The following DLG2 variants were observed in gnomAD, a reference collection of about 807,000 sequenced individuals.
The protein encoded by DLG2 is disks large homolog 2.
DLG2 carries 45 observed loss-of-function variants against 132.5 expected under a neutral mutation model. That is an observed-to-expected ratio of 0.34 (90% CI 0.27 to 0.44). The LOEUF (loss-of-function observed/expected upper bound fraction) is 0.44, where lower values mean the gene tolerates loss of function less well. Among genes scored for constraint, DLG2 ranks in the 20% least tolerant of loss-of-function variants. The pLI is 1.00. For missense variants in DLG2, 1,045 were observed against 1,196.9 expected, an observed-to-expected ratio of 0.87 and a Z score of 1.87; for synonymous variants, 424 against 419.6, an observed-to-expected ratio of 1.01 and a Z score of -0.13.
At chr11:83,764,805 G>A (rs1478112093) in intron 18 of DLG2, among the ~76,000 whole-genome samples, 1 of 152,112 alleles carries the variant, frequency 6.6e-6, no homozygotes, top group Non-Finnish European at 1.5e-5. Flanking sequence ...CTTCACTCAG[G>A]AGGTGTTCTC....
chr11:83,653,068 T>C (rs2071115393), intron 18 of DLG2, among the ~76,000 whole-genome samples: 2 of 152,232 alleles, frequency 1.3e-5, no homozygotes, highest in African/African-American at 4.8e-5. Flanking sequence ...CCCAATCTAA[T>C]AACTTCCCAA....
At chr11:84,511,909 CT>C (rs2099258097) in intron 7 of DLG2, among the ~76,000 whole-genome samples, 1 of 152,130 alleles carries the variant, frequency 6.6e-6, no homozygotes, top group South Asian at 2.1e-4. Context: ...TTGGTACAAA[CT>C]GTATTAATCC....
chr11:85,274,305 T>C (rs1379440435), intron 4 of DLG2, among the ~76,000 whole-genome samples: 3 of 152,256 alleles, frequency 2.0e-5, no homozygotes, highest in South Asian at 4.1e-4. Context: ...GGTGGGCCAT[T>C]GTTATCATAG....
At chr11:84,009,998 C>T (rs1332736983) in intron 11 of DLG2, among the ~76,000 whole-genome samples, 1 of 152,100 alleles carries the variant, frequency 6.6e-6, no homozygotes, top group African/African-American at 2.4e-5. Flanking sequence ...TCTATTCAGC[C>T]TCCCAGTCTG....
At chr11:83,652,501 G>T (rs2070879875) in intron 18 of DLG2, among the ~76,000 whole-genome samples, 1 of 152,128 alleles carries the variant, frequency 6.6e-6, no homozygotes, top group East Asian at 1.9e-4. Context: ...CTCCCAAGTA[G>T]CTGGAATTAC....
intron 6 of DLG2, among the ~76,000 whole-genome samples, chr11:84,575,320 G>A (rs1294572487): frequency 6.6e-6 from 1 of 151,894 alleles, no homozygotes; most frequent in Non-Finnish European, 1.5e-5. Context: ...GATTGTGCAT[G>A]CCTCCCCCAC....
intron 11 of DLG2, among the ~76,000 whole-genome samples, chr11:84,057,996 T>C (rs1300774563): frequency 6.6e-6 from 1 of 152,090 alleles, no homozygotes; most frequent in African/African-American, 2.4e-5. Context: ...ACCCTATGGA[T>C]TGATGCTACC....
At chr11:85,066,864 C>T (rs929291300) in intron 6 of DLG2, among the ~76,000 whole-genome samples, 1 of 151,722 alleles carries the variant, frequency 6.6e-6, no homozygotes, top group African/African-American at 2.4e-5. Flanking sequence ...TCCCTAAGAA[C>T]TGGAACAAAA....
intron 2 of DLG2, among the ~76,000 whole-genome samples, chr11:85,620,583 C>CTT (rs1386821593): frequency 1.3e-5 from 2 of 152,156 alleles, no homozygotes; most frequent in Non-Finnish European, 2.9e-5. Context: ...AGTGAACACA[C>CTT]GAATAATAAG....
chr11:83,821,200 A>G (rs553353915), intron 17 of DLG2, among the ~76,000 whole-genome samples: 1 of 152,286 alleles, frequency 6.6e-6, no homozygotes, highest in Non-Finnish European at 1.5e-5. Context: ...GTTGTTCAGA[A>G]CCTGAGCAGA....
At chr11:85,388,273 C>T (rs948418470) in intron 3 of DLG2, among the ~76,000 whole-genome samples, 22 of 152,214 alleles carry the variant, frequency 1.4e-4, no homozygotes, top group African/African-American at 4.8e-4. Context: ...GGGAACCACA[C>T]CCCCAGCCCC....
chr11:84,526,073 C>T (rs1262087987), intron 7 of DLG2, among the ~76,000 whole-genome samples: 13 of 151,930 alleles, frequency 8.6e-5, no homozygotes, highest in African/African-American at 3.1e-4. Flanking sequence ...ATTGTACGCT[C>T]CAAAAGTATA....
At chr11:84,840,680 T>C (rs917860900) in intron 6 of DLG2, among the ~76,000 whole-genome samples, 10 of 152,152 alleles carry the variant, frequency 6.6e-5, no homozygotes, top group South Asian at 2.1e-4. Context: ...GATGAGTTTA[T>C]GTCCTTTGTA....
chr11:85,306,133 A>G (rs2079927251), intron 3 of DLG2, among the ~76,000 whole-genome samples: 1 of 152,242 alleles, frequency 6.6e-6, no homozygotes, highest in African/African-American at 2.4e-5. Flanking sequence ...ACTAAATTAT[A>G]TAGAGAATGA....
chr11:84,986,423 A>G (rs2056500062), intron 6 of DLG2, among the ~76,000 whole-genome samples: 1 of 152,174 alleles, frequency 6.6e-6, no homozygotes, highest in South Asian at 2.1e-4. Flanking sequence ...GGGATCCTCT[A>G]TGAAGCCAGT....
chr11:83,727,084 G>C (rs557418006), intron 18 of DLG2, among the ~76,000 whole-genome samples: 1 of 152,326 alleles, frequency 6.6e-6, no homozygotes, highest in Admixed American at 6.5e-5. Context: ...CTGAGGTTGA[G>C]ATTCAGTGTT....
intron 3 of DLG2, among the ~76,000 whole-genome samples, chr11:85,477,736 T>C (rs1367160602): frequency 6.6e-6 from 1 of 152,142 alleles, no homozygotes; most frequent in East Asian, 1.9e-4. Context: ...ACTATCAGAG[T>C]GCCAAAAAAG....
intron 15 of DLG2, among the ~76,000 whole-genome samples, chr11:83,906,181 G>C (rs186984042): frequency 5.9e-4 from 87 of 146,926 alleles, no homozygotes; most frequent in Non-Finnish European, 1.1e-3. Context: ...TGTTTTGTTA[G>C]GAGTAAATTC....
chr11:84,650,232 CTT>C (rs1430243829), intron 6 of DLG2, among the ~76,000 whole-genome samples: 1 of 152,208 alleles, frequency 6.6e-6, no homozygotes, highest in African/African-American at 2.4e-5. Flanking sequence ...ACCTTTCATT[CTT>C]TCTTTCTCCC....
Sources: gnomAD v4.1 joint callset for allele counts (sites outside exome capture counted in the v4.1 genomes callset) on GRCh38, gnomAD v4.1.1 for gene constraint, MANE v1.5 for transcripts, NCBI Gene and HGNC (gene_info 2026-07-23, HGNC 2026-07-21) for gene names.